Variants in SGCD observed in about 807,000 individuals in gnomAD.
SGCD encodes the protein delta-sarcoglycan.
In SGCD, 18 loss-of-function variants were observed where a neutral mutation model predicts 36.6. That is an observed-to-expected ratio of 0.49 (90% confidence interval 0.34 to 0.73). SGCD has a LOEUF of 0.73. SGCD is among the 30% of genes least tolerant of loss of function. SGCD has a pLI of 0.01. For synonymous variants in SGCD, 133 were observed against 130.6 expected, an observed-to-expected ratio of 1.02 and a Z score of -0.12; for missense variants, 387 against 346.7, an observed-to-expected ratio of 1.12 and a Z score of -0.92.
chr5:156,406,018 T>TAAAAAAAAAAAAAAAAA (rs10529406), intron 3 of SGCD, among the ~76,000 whole-genome samples: 30 of 103,958 alleles, frequency 2.9e-4, no homozygotes, highest in African/African-American at 1.1e-3. Flanking sequence ...TATCTTTGCT[T>TAAAAAAAAAAAAAAAAA]AAAAAAAAAA....
At chr5:156,145,272 G>A (rs1408007244) in intron 3 of SGCD, among the ~76,000 whole-genome samples, 1 of 152,198 alleles carries the variant, frequency 6.6e-6, no homozygotes, top group African/African-American at 2.4e-5. Flanking sequence ...GCCATGTGAA[G>A]TTCTGGCTCC....
chr5:156,417,640 C>T (rs140351602), intron 3 of SGCD, among the ~76,000 whole-genome samples: 362 of 152,202 alleles, frequency 2.4e-3, no homozygotes, highest in Non-Finnish European at 3.6e-3. Context: ...GGTGGAGAGA[C>T]GGAGCACTGG....
intron 1 of SGCD, among the ~76,000 whole-genome samples, chr5:156,116,941 T>C (rs75247331): frequency 0.02 from 3,064 of 152,192 alleles, 45 homozygotes; most frequent in Non-Finnish European, 0.034. Flanking sequence ...TCTACTCCTC[T>C]GAGCCTCAGA....
At chr5:156,205,420 G>T (rs1047199796) in intron 3 of SGCD, among the ~76,000 whole-genome samples, 1 of 152,060 alleles carries the variant, frequency 6.6e-6, no homozygotes, top group African/African-American at 2.4e-5. Flanking sequence ...TTATGCTGAA[G>T]AATAGTAGAA....
the SGCD span, among the ~76,000 whole-genome samples, chr5:155,734,953 C>G: frequency 2.0e-5 from 3 of 152,182 alleles, no homozygotes; most frequent in Admixed American, 6.5e-5. Context: ...GTTTACTTCT[C>G]TGTATCTGCC....
At chr5:156,598,839 T>C (rs1007159920) in intron 6 of SGCD, among the ~76,000 whole-genome samples, 2 of 152,212 alleles carry the variant, frequency 1.3e-5, no homozygotes, top group Admixed American at 6.5e-5. Context: ...TCACTTAGAC[T>C]GAAGACTGGG....
chr5:155,771,545 T>C, the SGCD span, among the ~76,000 whole-genome samples: 56 of 152,196 alleles, frequency 3.7e-4, no homozygotes, highest in African/African-American at 1.3e-3. Flanking sequence ...TGCTTCAGCC[T>C]AACTAGCTGG....
At chr5:156,001,200 T>A (rs904985065) in intron 1 of SGCD, among the ~76,000 whole-genome samples, 4 of 152,166 alleles carry the variant, frequency 2.6e-5, no homozygotes, top group African/African-American at 9.7e-5. Context: ...TATAGGCAGG[T>A]CGCTACAATT....
At chr5:156,206,397 G>T (rs1409762988) in intron 3 of SGCD, among the ~76,000 whole-genome samples, 1 of 151,942 alleles carries the variant, frequency 6.6e-6, no homozygotes, top group East Asian at 1.9e-4. Flanking sequence ...GTCATAGGAT[G>T]AATATATATA....
chr5:156,529,286 G>A (rs1484881164), intron 4 of SGCD, among the ~76,000 whole-genome samples: 2 of 151,962 alleles, frequency 1.3e-5, no homozygotes, highest in African/African-American at 2.4e-5. Context: ...TTAGCTGGGC[G>A]TGGTGGTGTG....
chr5:155,830,999 C>A, the SGCD span, among the ~76,000 whole-genome samples: 1 of 152,204 alleles, frequency 6.6e-6, no homozygotes, highest in African/African-American at 2.4e-5. Context: ...GTTAGATGCT[C>A]TCTGAACCCC....
intron 3 of SGCD, among the ~76,000 whole-genome samples, chr5:156,213,843 A>C (rs1388596178): frequency 6.6e-6 from 1 of 152,068 alleles, no homozygotes; most frequent in Admixed American, 6.5e-5. Flanking sequence ...GATACCTCAC[A>C]TTAACAGAAT....
In SGCD at chr5:156,580,860, C is replaced by T. The variant is rs772248739; in HGVS notation, c.295-8371C>T. Among the ~76,000 whole-genome samples, 8 of 152,138 alleles carry T rather than the reference C, an allele frequency of 5.3e-5. No individual in the cohort carries two copies. The East Asian group carries it at 7.7e-4, about 15-fold the overall frequency. On this transcript the variant is annotated intron_variant, in intron 4 of 8. Transcript: ENST00000337851. Reference sequence around the variant, plus strand: ...TGGGTTCGAACATCCTCCTATAGCTCGGAGATGTTTGTTATTACCAACCTT... The same window carrying T: ...TGGGTTCGAACATCCTCCTATAGCTTGGAGATGTTTGTTATTACCAACCTT...
intron 4 of SGCD, among the ~76,000 whole-genome samples, chr5:156,558,462 C>T (rs1759132050): frequency 6.6e-6 from 1 of 152,086 alleles, no homozygotes; most frequent in Non-Finnish European, 1.5e-5. Context: ...TGCCACACTC[C>T]TAAATTACTA....
At chr5:155,739,029 A>G in the SGCD span, among the ~76,000 whole-genome samples, 1 of 152,040 alleles carries the variant, frequency 6.6e-6, no homozygotes, top group Non-Finnish European at 1.5e-5. Flanking sequence ...GCCAAATTGT[A>G]CCTCATTTAT....
At chr5:156,532,165 A>T (rs1043694415) in intron 4 of SGCD, among the ~76,000 whole-genome samples, 1 of 152,168 alleles carries the variant, frequency 6.6e-6, no homozygotes, top group Non-Finnish European at 1.5e-5. Flanking sequence ...TTCTTGAGAT[A>T]CTAGCAAATT....
intron 4 of SGCD, among the ~76,000 whole-genome samples, chr5:156,578,095 C>T (rs2113320612): frequency 6.6e-6 from 1 of 152,186 alleles, no homozygotes; most frequent in South Asian, 2.1e-4. Context: ...CCCATCAATA[C>T]CTAGTTTATT....
chr5:156,148,886 G>A (rs1488994824), intron 3 of SGCD, among the ~76,000 whole-genome samples: 1 of 152,082 alleles, frequency 6.6e-6, no homozygotes, highest in African/African-American at 2.4e-5. Flanking sequence ...ATCTAAAGTG[G>A]GCCCTGGTAC....
chr5:156,304,943 T>G (rs994663485), intron 3 of SGCD, among the ~76,000 whole-genome samples: 1 of 152,160 alleles, frequency 6.6e-6, no homozygotes, highest in Non-Finnish European at 1.5e-5. Context: ...AGAGATGATT[T>G]AAGCTATTTG....
Sources: gnomAD v4.1 joint callset for allele counts (sites outside exome capture counted in the v4.1 genomes callset) on GRCh38, gnomAD v4.1.1 for gene constraint, MANE v1.5 for transcripts, NCBI Gene and HGNC (gene_info 2026-07-23, HGNC 2026-07-21) for gene names.